Variants in GNAS observed in about 807,000 individuals in gnomAD.
GNAS encodes the protein GNAS complex locus.
GNAS carries 8 observed loss-of-function variants against 54.5 expected under a neutral mutation model. The observed-to-expected ratio is 0.15, with a 90% confidence interval of 0.09 to 0.26. The LOEUF is 0.26. Ranked by LOEUF, GNAS falls within the 10% of genes least tolerant of loss-of-function variation. The pLI, the probability that GNAS is intolerant of heterozygous loss-of-function variation, is 1.00. For missense variants in GNAS, 170 were observed against 529.8 expected, an observed-to-expected ratio of 0.32 and a Z score of 6.67; for synonymous variants, 204 against 191.4, an observed-to-expected ratio of 1.07 and a Z score of -0.54.
intron 1 of GNAS, among the ~76,000 whole-genome samples, chr20:58,880,844 T>C (rs912010653): frequency 6.6e-6 from 1 of 152,224 alleles, no homozygotes; most frequent in African/African-American, 2.4e-5. Context: ...TTAGTCATAG[T>C]TTTTTGTTCT....
At chr20:58,898,587 T>TTA (rs2090301743) in intron 2 of GNAS, 2 of 354,202 alleles carry the variant, frequency 5.6e-6, no homozygotes, top group Non-Finnish European at 1.1e-5. Context: ...GCTGCCATAT[T>TTA]CTCCAAAGAA....
chr20:58,907,123 G>A (rs1356552474), intron 6 of GNAS, among the ~76,000 whole-genome samples: 1 of 152,188 alleles, frequency 6.6e-6, no homozygotes, highest in African/African-American at 2.4e-5. Context: ...GAATAAACAG[G>A]AGGGAGGAAG....
chr20:58,848,554 G>C (rs1276066965), intron 1 of GNAS, among the ~76,000 whole-genome samples: 1 of 152,152 alleles, frequency 6.6e-6, no homozygotes, highest in Non-Finnish European at 1.5e-5. Flanking sequence ...TCCTAAAAAA[G>C]CCCCGGCAAG....
intron 1 of GNAS, chr20:58,892,581 G>C (rs2089558518): frequency 6.6e-6 from 1 of 150,440 alleles, no homozygotes; most frequent in Non-Finnish European, 1.5e-5. Context: ...GCGGCGAGGG[G>C]AGGAGGGAGG....
rs145211116 is a variant in GNAS, at chr20:58,873,757, G to A, written c.44-21855G>A. On this transcript the variant is annotated intron_variant, in intron 1 of 12. Coordinates refer to the GNAS transcript ENST00000306090. The surrounding 1 kb of genome is among the most constrained non-coding windows in gnomAD (Gnocchi z 4.3). ...GAGTGCCAAATATGTGCCCTTCCCC[G>A]TGGGGAAGACAAAAGTATGAGACAC... Among the ~76,000 whole-genome samples, 1 of 152,182 alleles carries A rather than the reference G, an allele frequency of 6.6e-6. No individual in the cohort carries two copies. Among genetic ancestry groups the A allele is most frequent in the East Asian group, 1.9e-4 (1 of 5,178 alleles).
At chr20:58,865,156 G>A (rs1399332298) in intron 1 of GNAS, among the ~76,000 whole-genome samples, 2 of 151,942 alleles carry the variant, frequency 1.3e-5, no homozygotes, top group African/African-American at 2.4e-5. Flanking sequence ...GGTGGCTCAC[G>A]CCTGTAATCC....
chr20:58,853,994 CCGAGTTATCGCA>C lies in GNAS; in HGVS notation c.43+13110_43+13121del. On this transcript the variant is annotated intron_variant, in intron 1 of 12. Coordinates refer to the GNAS transcript ENST00000306090. This position sits in a 1 kb window ranked among gnomAD's most constrained non-coding sequence, Gnocchi z 4.4. The stretch of plus-strand genomic sequence containing the variant: ...ACGACAGCCCACCCCCGGGGCTTTC[CCGAGTTATCGCA>C]CAAGTCGACGGCAGCAGCCAGTTCG... 1 of 1,612,030 alleles carries C rather than the reference CCGAGTTATCGCA, an allele frequency of 6.2e-7. No individual in the cohort carries two copies. Among genetic ancestry groups the C allele is most frequent in the South Asian group, 1.1e-5 (1 of 91,024 alleles).
chr20:58,903,643 C>A (rs2090841747), intron 4 of GNAS, 29 bp from the exon 5 acceptor site: 1 of 1,614,024 alleles, frequency 6.2e-7, no homozygotes, highest in African/African-American at 1.3e-5. Context: ...CAGTGCTGTT[C>A]CCTGACCGCT....
chr20:58,877,759 C>T (rs569784866), intron 1 of GNAS, among the ~76,000 whole-genome samples: 3 of 152,360 alleles, frequency 2.0e-5, no homozygotes, highest in East Asian at 1.9e-4. Flanking sequence ...TCCCACCTCC[C>T]GGCCTTGCCG....
chr20:58,902,485 C>G (rs2090704144), intron 3 of GNAS, among the ~76,000 whole-genome samples: 1 of 152,090 alleles, frequency 6.6e-6, no homozygotes, highest in Non-Finnish European at 1.5e-5. Context: ...GAATATAGAT[C>G]ATTCCATAAA....
intron 2 of GNAS, chr20:58,898,381 C>G (rs2090275300): frequency 6.5e-6 from 1 of 153,570 alleles, no homozygotes; most frequent in African/African-American, 2.4e-5. Flanking sequence ...ACAGTCCAGA[C>G]ATAGTTTAAT....
intron 3 of GNAS, among the ~76,000 whole-genome samples, chr20:58,901,990 T>G (rs1466990506): frequency 1.3e-5 from 2 of 152,042 alleles, no homozygotes. Context: ...CTCCAGTCTA[T>G]GAATTGGTGA....
At chr20:58,892,063 G>A (rs1215531593) in intron 1 of GNAS, 198 bp downstream of exon 1, 1 of 947,424 alleles carries the variant, frequency 1.1e-6, no homozygotes, top group African/African-American at 1.8e-5. Context: ...GCTCAAAAAC[G>A]GGGCGGGGGG....
At position 58,909,788 on chromosome 20, in the gene GNAS, A is replaced by G. The variant is rs2146285803; in HGVS notation, c.823A>G (p.Ser275Gly). 6.2e-7 allele frequency: 1 copy of G among 1,613,702 alleles called. No homozygotes were observed. ...GCAGGAGGCTCTGAACCTCTTCAAG[A>G]GCATCTGGAACAACAGGTTTGTGGA... ...RLQEALNLFK[S>G]IWNNRWLRTI... Residue 275 changes from serine to glycine, a missense_variant, in exon 10 of 13, where the codon AGC (serine) becomes GGC (glycine). By Grantham distance (56) the Ser-to-Gly change is moderately conservative. Around this residue, in one of 3 missense-constraint regions of GNAS, gnomAD observed 36 missense variants for 223.0 expected, o/e 0.16. Coordinates refer to ENST00000371085, the MANE Select transcript of GNAS (RefSeq NM_000516.7). The surrounding 1 kb of genome is among the most constrained non-coding windows in gnomAD (Gnocchi z 7.3).
At chr20:58,890,293 C>T (rs912837206), upstream of GNAS, among the ~76,000 whole-genome samples, 6 of 147,816 alleles carry the variant, frequency 4.1e-5, no homozygotes, top group African/African-American at 1.5e-4. Flanking sequence ...GACGAGGGCG[C>T]CGAGGAGGGC....
intron 3 of GNAS, chr20:58,899,490 C>G (rs189762930): frequency 1.1e-5 from 6 of 541,792 alleles, no homozygotes; most frequent in Non-Finnish European, 1.8e-5. Flanking sequence ...CGTTAAGAAT[C>G]ATCTCGAAAA....
intron 1 of GNAS, chr20:58,850,882 C>A (rs529489816): frequency 1.0e-5 from 4 of 398,784 alleles, no homozygotes; most frequent in South Asian, 2.5e-4. Flanking sequence ...CCTCTTCGGG[C>A]GTTCCAACGC....
In GNAS at chr20:58,891,850, C is replaced by A. The variant is rs2145916888; in HGVS notation, c.124C>A (p.Arg42Ser). ...CAAGCAGGTCTACCGGGCCACGCACCGCCTGCTGCTGCTGGGTAAGGGCGG... is the reference window on the plus strand; with the variant it reads ...CAAGCAGGTCTACCGGGCCACGCACAGCCTGCTGCTGCTGGGTAAGGGCGG... Reference protein sequence around the residue: ...KDKQVYRATHRLLLLGAGESG... With the variant: ...KDKQVYRATHSLLLLGAGESG... Residue 42 changes from arginine (R) to serine (S), a missense_variant, in exon 1 of 13, where the codon CGC (arginine) becomes AGC (serine). Coordinates refer to ENST00000371085, the MANE Select transcript of GNAS (RefSeq NM_000516.7). 8.1e-7 allele frequency: 1 copy of A among 1,232,798 alleles called. No individual in the cohort carries two copies. Among genetic ancestry groups the A allele is most frequent in the South Asian group, 1.4e-5 (1 of 69,522 alleles). 76.4% of individuals were successfully genotyped at this position (1,232,798 alleles called of 1,614,324 possible).
chr20:58,905,051 A>G lies in GNAS; in HGVS notation c.433-332A>G, dbSNP rs998415655. Among the ~76,000 whole-genome samples the G allele has an allele frequency of 3.3e-5, 5 of 152,210 alleles. 1 individual carries two copies. Among genetic ancestry groups the G allele is most frequent in the Non-Finnish European group, 7.3e-5 (5 of 68,050 alleles). ...ATTGAACCATTTATTGGCATATTCTAACACATTTAGTGTATATTCTTCCTA... is the reference window on the plus strand; with the variant it reads ...ATTGAACCATTTATTGGCATATTCTGACACATTTAGTGTATATTCTTCCTA... On this transcript the variant is annotated intron_variant, in intron 5 of 12. Coordinates refer to ENST00000371085, the MANE Select transcript of GNAS (RefSeq NM_000516.7).
Sources: allele counts gnomAD v4.1 joint callset (sites outside exome capture counted in the v4.1 genomes callset), GRCh38; gene constraint gnomAD v4.1.1; regional missense constraint gnomAD v4.1.1; non-coding constraint Gnocchi (gnomAD v3.1); transcripts MANE v1.5; gene names NCBI Gene and HGNC (gene_info 2026-07-23, HGNC 2026-07-21).